KCNQ5: variants seen among roughly 807,000 people sequenced by gnomAD.
KCNQ5 encodes potassium voltage-gated channel subfamily Q member 5, also known as potassium voltage-gated channel subfamily KQT member 5.
Under a neutral mutation model 98.2 loss-of-function variants are expected in KCNQ5, and 30 were observed. The ratio of observed to expected loss-of-function variants is 0.31; its 90% confidence interval spans 0.23 to 0.41. The LOEUF is 0.41. Ranked by LOEUF, KCNQ5 falls within the 10% of genes least tolerant of loss-of-function variation. The pLI, the probability that KCNQ5 is intolerant of heterozygous loss-of-function variation, is 1.00. For missense variants in KCNQ5, 835 were observed against 1,182.5 expected (o/e 0.71, Z 4.31); for synonymous variants, 458 against 449.4 (o/e 1.02, Z -0.24).
At chr6:72,659,329 C>G (rs1928152) in intron 1 of KCNQ5, among the ~76,000 whole-genome samples, 1 of 152,176 alleles carries the variant, frequency 6.6e-6, no homozygotes, top group Admixed American at 6.5e-5. Context: ...TCATCCTCAT[C>G]TATGTATCTT....
At chr6:73,079,060 G>T (rs922234046) in intron 5 of KCNQ5, among the ~76,000 whole-genome samples, 4 of 152,160 alleles carry the variant, frequency 2.6e-5, no homozygotes, top group African/African-American at 9.7e-5. Flanking sequence ...CAAGCACTTT[G>T]GGAGGCTAAG....
intron 1 of KCNQ5, among the ~76,000 whole-genome samples, chr6:72,983,277 G>A (rs1768565195): frequency 6.6e-6 from 1 of 152,172 alleles, no homozygotes; most frequent in South Asian, 2.1e-4. Context: ...TTCCAACTTG[G>A]TTCCATTCGC....
At chr6:72,974,727 G>A (rs1024183703) in intron 1 of KCNQ5, among the ~76,000 whole-genome samples, 1 of 151,760 alleles carries the variant, frequency 6.6e-6, no homozygotes, top group Non-Finnish European at 1.5e-5. Flanking sequence ...AACTATCTAT[G>A]CTAATAACAC....
chr6:73,044,147 G>T (rs1185750178), intron 3 of KCNQ5, among the ~76,000 whole-genome samples: 1 of 152,126 alleles, frequency 6.6e-6, no homozygotes, highest in Non-Finnish European at 1.5e-5. Context: ...GGGCATGGTG[G>T]CATACACCTG....
intron 1 of KCNQ5, among the ~76,000 whole-genome samples, chr6:72,953,867 A>G (rs1766920305): frequency 6.6e-6 from 1 of 152,190 alleles, no homozygotes; most frequent in Non-Finnish European, 1.5e-5. Context: ...TGAGAAAATG[A>G]AGTGACTGGA....
chr6:72,664,274 C>G (rs141202781), intron 1 of KCNQ5, among the ~76,000 whole-genome samples: 1 of 152,146 alleles, frequency 6.6e-6, no homozygotes. Flanking sequence ...CCTGAAATCT[C>G]TCAAAACGTC....
intron 1 of KCNQ5, among the ~76,000 whole-genome samples, chr6:72,999,812 G>C (rs950564610): frequency 6.6e-6 from 1 of 152,138 alleles, no homozygotes; most frequent in Non-Finnish European, 1.5e-5. Flanking sequence ...TTGAAATGAT[G>C]AGCAAAATCA....
chr6:72,724,392 C>T (rs1447913490), intron 1 of KCNQ5, among the ~76,000 whole-genome samples: 3 of 152,072 alleles, frequency 2.0e-5, no homozygotes, highest in Non-Finnish European at 4.4e-5. Context: ...CAAAGAAAGA[C>T]GTAATTTTAT....
chr6:72,696,174 T>C (rs2070224757), intron 1 of KCNQ5, among the ~76,000 whole-genome samples: 1 of 152,208 alleles, frequency 6.6e-6, no homozygotes, highest in South Asian at 2.1e-4. Context: ...TAAAAGGTTG[T>C]TCGCAGCAAT....
chr6:73,041,901 T>G, intron 2 of KCNQ5, 35 bp from the exon 3 acceptor site: 1 of 1,613,246 alleles, frequency 6.2e-7, no homozygotes, highest in Non-Finnish European at 8.5e-7. Flanking sequence ...TGCTCCATAA[T>G]GCTTCTCTCT....
chr6:73,085,303 A>G (rs1020984266), intron 5 of KCNQ5, among the ~76,000 whole-genome samples: 1 of 152,138 alleles, frequency 6.6e-6, no homozygotes, highest in Non-Finnish European at 1.5e-5. Flanking sequence ...CCTCTTTGCC[A>G]CCACAGAAGG....
intron 1 of KCNQ5, among the ~76,000 whole-genome samples, chr6:72,836,777 G>A (rs1189828016): frequency 6.6e-6 from 1 of 152,140 alleles, no homozygotes. Flanking sequence ...GTCTATACAA[G>A]GTAATTTATT....
At chr6:73,061,065 A>G (rs555472368) in intron 3 of KCNQ5, among the ~76,000 whole-genome samples, 2 of 152,332 alleles carry the variant, frequency 1.3e-5, no homozygotes, top group East Asian at 3.9e-4. Context: ...AATCCAAACA[A>G]TAAAATACAG....
chr6:72,712,170 C>A (rs1039488116), intron 1 of KCNQ5, among the ~76,000 whole-genome samples: 1 of 151,968 alleles, frequency 6.6e-6, no homozygotes, highest in African/African-American at 2.4e-5. Flanking sequence ...GGATAGATTA[C>A]CTAGGAAAGA....
intron 1 of KCNQ5, among the ~76,000 whole-genome samples, chr6:72,864,048 A>G (rs1935521): frequency 0.99 from 150,951 of 152,326 alleles, 74,810 homozygotes; most frequent in East Asian, 1. Context: ...GTAGCTCAAT[A>G]ACCAAATATT....
intron 1 of KCNQ5, among the ~76,000 whole-genome samples, chr6:72,866,262 T>A (rs1407385366): frequency 1.3e-5 from 2 of 149,470 alleles, no homozygotes; most frequent in Non-Finnish European, 1.5e-5. Flanking sequence ...CTTTTTTTTT[T>A]TTTTTTTTTT....
chr6:72,811,228 T>C (rs1775227324), intron 1 of KCNQ5, among the ~76,000 whole-genome samples: 2 of 152,288 alleles, frequency 1.3e-5, no homozygotes, highest in East Asian at 1.9e-4. Context: ...GAAAATTGTG[T>C]TGATGGTCAG....
chr6:72,933,107 A>T (rs972306218), intron 1 of KCNQ5, among the ~76,000 whole-genome samples: 2 of 152,188 alleles, frequency 1.3e-5, no homozygotes, highest in African/African-American at 4.8e-5. Context: ...CAGGAGAAAA[A>T]TCTGAATTTT....
chr6:72,749,958 C>G (rs759164451), intron 1 of KCNQ5, among the ~76,000 whole-genome samples: 3 of 151,908 alleles, frequency 2.0e-5, no homozygotes, highest in African/African-American at 7.2e-5. Flanking sequence ...AAGCAAAAAC[C>G]TTTTTTAAAA....
Sources: allele counts gnomAD v4.1 joint callset (sites outside exome capture counted in the v4.1 genomes callset), GRCh38; gene constraint gnomAD v4.1.1; transcripts MANE v1.5; gene names NCBI Gene and HGNC (gene_info 2026-07-23, HGNC 2026-07-21).